Variants in ZMAT4 observed in about 807,000 individuals in gnomAD.
The protein encoded by ZMAT4 is zinc finger matrin-type protein 4.
ZMAT4 carries 17 observed loss-of-function variants against 28.7 expected under a neutral mutation model. The observed-to-expected ratio is 0.59, with a 90% CI of 0.41 to 0.89. ZMAT4 has a LOEUF of 0.89. ZMAT4 is among the 40% of genes least tolerant of loss of function. The probability of loss-of-function intolerance (pLI) is 0.00; values close to 1 mark genes in which losing one functional copy is unlikely to be tolerated. For missense variants in ZMAT4, 240 were observed against 283.8 expected (o/e 0.85, Z 1.11); for synonymous variants, 117 against 109.2 (o/e 1.07, Z -0.44).
chr8:40,888,808 T>G (rs765925771), intron 1 of ZMAT4, among the ~76,000 whole-genome samples: 39 of 152,226 alleles, frequency 2.6e-4, no homozygotes, highest in Admixed American at 6.5e-5. Flanking sequence ...AAGTCCCTGC[T>G]GTAAATGGAA....
intron 3 of ZMAT4, among the ~76,000 whole-genome samples, chr8:40,732,049 C>T (rs1357798576): frequency 6.6e-6 from 1 of 151,950 alleles, no homozygotes; most frequent in Non-Finnish European, 1.5e-5. Context: ...ATGGTGATTG[C>T]CAGGGGCTGG....
At chr8:40,661,668 T>A (rs1808201145) in intron 5 of ZMAT4, among the ~76,000 whole-genome samples, 1 of 152,208 alleles carries the variant, frequency 6.6e-6, no homozygotes, top group African/African-American at 2.4e-5. Flanking sequence ...TCTCCTGATT[T>A]TGCATCTTTT....
chr8:40,600,201 T>C (rs1805252548), intron 5 of ZMAT4, among the ~76,000 whole-genome samples: 1 of 152,208 alleles, frequency 6.6e-6, no homozygotes, highest in African/African-American at 2.4e-5. Flanking sequence ...AGAAAGGTGT[T>C]TTTTTGTTTG....
chr8:40,799,846 G>T (rs1814762252), intron 2 of ZMAT4, among the ~76,000 whole-genome samples: 1 of 152,164 alleles, frequency 6.6e-6, no homozygotes, highest in Non-Finnish European at 1.5e-5. Context: ...CCATGAAGGG[G>T]TATAGTGCTA....
Position 40,861,104 on chromosome 8 carries a change from G to C in ZMAT4, c.-4-35424C>G, listed in dbSNP as rs545766846. ...CATTATTGGTATTTACATATTAATA[G>C]TTCATGCTTCCTCCTCGATTAGTCT... is the stretch of plus-strand genomic sequence containing the variant. On this transcript the variant is annotated intron_variant, in intron 1 of 6. Coordinates refer to ENST00000297737, the MANE Select transcript of ZMAT4 (RefSeq NM_024645.3). 3.9e-5 allele frequency among the ~76,000 whole-genome samples: 6 copies of C among 152,316 alleles called. No individual in the cohort carries two copies. The South Asian group carries it at 1.2e-3, about 32-fold the overall frequency.
chr8:40,723,605 A>G (rs1256489905), intron 3 of ZMAT4, among the ~76,000 whole-genome samples: 1 of 151,520 alleles, frequency 6.6e-6, no homozygotes, highest in African/African-American at 2.4e-5. Context: ...CCAAAAGTTT[A>G]ATTCTCTAAA....
chr8:40,887,467 C>T (rs116223067), intron 1 of ZMAT4, among the ~76,000 whole-genome samples: 1,671 of 145,566 alleles, frequency 0.011, 35 homozygotes, highest in African/African-American at 0.041. Flanking sequence ...CCAGCCTGAG[C>T]GACATAGCGA....
chr8:40,699,447 T>C (rs910888584), intron 3 of ZMAT4, among the ~76,000 whole-genome samples: 1 of 152,110 alleles, frequency 6.6e-6, no homozygotes, highest in African/African-American at 2.4e-5. Flanking sequence ...GAAATCCCAC[T>C]AATGGGTATC....
At chr8:40,598,586 G>A (rs1303241429) in intron 5 of ZMAT4, among the ~76,000 whole-genome samples, 3 of 152,112 alleles carry the variant, frequency 2.0e-5, no homozygotes, top group Admixed American at 2.0e-4. Context: ...GTGTATGTGT[G>A]CCATATTTTC....
intron 5 of ZMAT4, among the ~76,000 whole-genome samples, chr8:40,606,900 T>C (rs1805611350): frequency 6.6e-6 from 1 of 152,144 alleles, no homozygotes; most frequent in African/African-American, 2.4e-5. Context: ...GTTCATTTTT[T>C]TAAAAATCCT....
chr8:40,570,748 A>AAACAAAC (rs1292565880), intron 6 of ZMAT4, among the ~76,000 whole-genome samples: 6 of 151,906 alleles, frequency 3.9e-5, no homozygotes, highest in Non-Finnish European at 7.4e-5. Flanking sequence ...ACAAACAAAC[A>AAACAAAC]AAAAAACCTT....
chr8:40,551,290 C>T (rs1803362248), intron 6 of ZMAT4, among the ~76,000 whole-genome samples: 1 of 151,906 alleles, frequency 6.6e-6, no homozygotes, highest in African/African-American at 2.4e-5. Flanking sequence ...ATCAAAGAAC[C>T]CAGAAAAACA....
chr8:40,701,114 C>T (rs1313435167), intron 3 of ZMAT4, among the ~76,000 whole-genome samples: 1 of 152,162 alleles, frequency 6.6e-6, no homozygotes, highest in Non-Finnish European at 1.5e-5. Flanking sequence ...CCAGAGGTGA[C>T]AACAATTTAT....
intron 2 of ZMAT4, among the ~76,000 whole-genome samples, chr8:40,821,482 C>T (rs1312486807): frequency 6.6e-6 from 1 of 151,784 alleles, no homozygotes; most frequent in African/African-American, 2.4e-5. Flanking sequence ...TTTTTTTTCA[C>T]CTGAGGACTT....
At chr8:40,670,928 G>T (rs777880306) in intron 5 of ZMAT4, among the ~76,000 whole-genome samples, 1 of 151,986 alleles carries the variant, frequency 6.6e-6, no homozygotes, top group East Asian at 1.9e-4. Context: ...TTAGCTGGGC[G>T]TGGTGGCACT....
chr8:40,604,806 C>T (rs762569461), intron 5 of ZMAT4, among the ~76,000 whole-genome samples: 2 of 152,150 alleles, frequency 1.3e-5, no homozygotes, highest in Non-Finnish European at 1.5e-5. Context: ...GGTATCAATT[C>T]TTCTATGAAT....
chr8:40,891,186 GGGAGAGGAGA>G (rs1191699611), intron 1 of ZMAT4, among the ~76,000 whole-genome samples: 113 of 44,650 alleles, frequency 2.5e-3, no homozygotes, highest in African/African-American at 7.3e-3. Flanking sequence ...CAACAGAGTG[GGGAGAGGAGA>G]GGAGAGGAGA....
intron 1 of ZMAT4, among the ~76,000 whole-genome samples, chr8:40,830,412 A>C (rs1287970319): frequency 6.6e-6 from 1 of 152,066 alleles, no homozygotes; most frequent in East Asian, 1.9e-4. Context: ...GCTCCCACTT[A>C]TAAGTGAGAG....
At chr8:40,659,079 A>T (rs1808067285) in intron 5 of ZMAT4, among the ~76,000 whole-genome samples, 2 of 152,180 alleles carry the variant, frequency 1.3e-5, no homozygotes, top group African/African-American at 4.8e-5. Context: ...ACACTTGGAA[A>T]ATATGAGTGA....
Sources: allele counts gnomAD v4.1 joint callset (sites outside exome capture counted in the v4.1 genomes callset), GRCh38; gene constraint gnomAD v4.1.1; transcripts MANE v1.5; gene names NCBI Gene and HGNC (gene_info 2026-07-23, HGNC 2026-07-21).